The following TMEM232 variants were observed in gnomAD, a reference collection of about 807,000 sequenced individuals.
TMEM232 encodes the protein transmembrane protein 232.
In TMEM232, 80 loss-of-function variants were observed where a neutral mutation model predicts 78.8. The observed-to-expected ratio is 1.01, with a 90% CI of 0.85 to 1.22. The LOEUF (loss-of-function observed/expected upper bound fraction) is 1.22, where lower values mean the gene tolerates loss of function less well. TMEM232 is among the 50% of genes most tolerant of loss of function. The probability of loss-of-function intolerance (pLI) is 0.00; values close to 1 mark genes in which losing one functional copy is unlikely to be tolerated. For synonymous variants in TMEM232, 297 were observed against 254.3 expected (o/e 1.17, Z -1.60); for missense variants, 881 against 742.2 (o/e 1.19, Z -2.17).
chr5:110,682,330 A>C (rs1252826637), intron 1 of TMEM232, among the ~76,000 whole-genome samples: 1 of 152,204 alleles, frequency 6.6e-6, no homozygotes, highest in East Asian at 1.9e-4. Flanking sequence ...TGAATGATTG[A>C]ATTGCTCTCC....
intron 12 of TMEM232, among the ~76,000 whole-genome samples, chr5:110,468,528 A>G (rs1410451085): frequency 6.6e-6 from 1 of 152,136 alleles, no homozygotes; most frequent in Non-Finnish European, 1.5e-5. Context: ...GCTAATAATT[A>G]TATTTCTTAT....
chr5:110,411,542 G>C (rs1755996060), intron 2 of TMEM232, among the ~76,000 whole-genome samples: 1 of 151,930 alleles, frequency 6.6e-6, no homozygotes, highest in Admixed American at 6.6e-5. Context: ...TTACATTGTT[G>C]AGCAATCTCT....
At chr5:110,475,445 A>ATTTT (rs61667699) in intron 12 of TMEM232, among the ~76,000 whole-genome samples, 4,865 of 110,026 alleles carry the variant, frequency 0.044, 225 homozygotes, top group East Asian at 0.22. Context: ...TTATACTTTG[A>ATTTT]TTTTTTTTTT....
intron 7 of TMEM232, among the ~76,000 whole-genome samples, chr5:110,620,625 CTCTCTCT>C (rs1561399789): frequency 3.1e-4 from 36 of 116,344 alleles, no homozygotes; most frequent in East Asian, 7.5e-4. Flanking sequence ...CTCTCTCTCT[CTCTCTCT>C]CTCTCTCCTC....
At chr5:110,555,066 T>G (rs569644673) in intron 11 of TMEM232, among the ~76,000 whole-genome samples, 1 of 152,254 alleles carries the variant, frequency 6.6e-6, no homozygotes, top group African/African-American at 2.4e-5. Context: ...TTAAGGTTGG[T>G]TTGCTCTTGT....
chr5:110,723,505 C>T (rs1313906576), intron 1 of TMEM232, among the ~76,000 whole-genome samples: 2 of 152,034 alleles, frequency 1.3e-5, no homozygotes, highest in Non-Finnish European at 2.9e-5. Context: ...CCATGGGTAC[C>T]ATTATGTTTA....
intron 10 of TMEM232, among the ~76,000 whole-genome samples, chr5:110,580,622 A>C (rs1778093697): frequency 6.6e-6 from 1 of 151,754 alleles, no homozygotes; most frequent in Non-Finnish European, 1.5e-5. Flanking sequence ...AAATTTCAAT[A>C]ATAAGGATGA....
At chr5:110,594,381 C>T (rs1048162542) in intron 10 of TMEM232, among the ~76,000 whole-genome samples, 8 of 152,108 alleles carry the variant, frequency 5.3e-5, no homozygotes, top group South Asian at 2.1e-4. Flanking sequence ...CTAGGTGGCT[C>T]TTTGGGCAGA....
intron 10 of TMEM232, among the ~76,000 whole-genome samples, chr5:110,583,020 A>AAAGACAT (rs1383057049): frequency 5.9e-5 from 9 of 152,030 alleles, no homozygotes; most frequent in Non-Finnish European, 8.8e-5. Context: ...ACACAAATGA[A>AAAGACAT]AAGACATCCT....
At chr5:110,395,868 C>T (rs1338394461) in intron 3 of TMEM232, among the ~76,000 whole-genome samples, 1 of 152,050 alleles carries the variant, frequency 6.6e-6, no homozygotes, top group East Asian at 1.9e-4. Flanking sequence ...TTTCATTGTC[C>T]TGCTGACTCA....
At chr5:110,669,082 A>G (rs1274633366) in intron 1 of TMEM232, among the ~76,000 whole-genome samples, 2 of 152,194 alleles carry the variant, frequency 1.3e-5, no homozygotes. Flanking sequence ...GAGAAGCAAG[A>G]GCAAACACAT....
At chr5:110,666,898 T>C (rs972485207) in intron 2 of TMEM232, 2 of 165,796 alleles carry the variant, frequency 1.2e-5, no homozygotes, top group African/African-American at 4.8e-5. Flanking sequence ...AAACATTCTA[T>C]TTTGGCTAAA....
Position 110,420,424 on chromosome 5 carries a change from C to A in TMEM232, c.*156G>T. 2 of 515,730 alleles carry A rather than the reference C, an allele frequency of 3.9e-6. No homozygotes were observed. Among genetic ancestry groups the A allele is most frequent in the South Asian group, 3.9e-5 (1 of 25,874 alleles). 31.9% of individuals were successfully genotyped at this position (515,730 alleles called of 1,614,324 possible). Reference sequence around the variant, plus strand: ...TTAGAACTAAGAAATAACTATTAAACAAACAGCTTGTATCAGGAAAACAAA... The same window carrying A: ...TTAGAACTAAGAAATAACTATTAAAAAAACAGCTTGTATCAGGAAAACAAA... On this transcript the variant is annotated 3_prime_UTR_variant, in exon 14 of 14. Coordinates refer to ENST00000455884, the MANE Select transcript of TMEM232 (RefSeq NM_001039763.4).
intron 1 of TMEM232, among the ~76,000 whole-genome samples, chr5:110,706,401 A>G (rs1475293393): frequency 3.9e-5 from 6 of 152,062 alleles, no homozygotes; most frequent in African/African-American, 1.2e-4. Flanking sequence ...TACTCACTGT[A>G]TTATTGATTA....
intron 12 of TMEM232, among the ~76,000 whole-genome samples, chr5:110,457,858 C>G (rs1395781891): frequency 6.6e-6 from 1 of 151,766 alleles, no homozygotes; most frequent in African/African-American, 2.4e-5. Context: ...AATAAACATG[C>G]CTACAAATAT....
At position 110,481,296 on chromosome 5, in the gene TMEM232, G is replaced by T. The variant is rs1290853007; in HGVS notation, c.1703+47292C>A. On this transcript the variant is annotated intron_variant, in intron 12 of 13. Transcript: ENST00000455884. ...TTTCAGATTATTATTTCATTAAAAA[G>T]ACAAATACGACAAAAGGAAAAGCAA... 2.0e-5 allele frequency among the ~76,000 whole-genome samples: 3 copies of T among 151,938 alleles called. No homozygotes were observed. In the East Asian group the frequency reaches 5.8e-4, roughly 29 times the overall value.
rs1470423037 is a variant in TMEM232, at chr5:110,674,141, T to C, written c.-12-6777A>G. On this transcript the variant is annotated intron_variant, in intron 1 of 13. Coordinates refer to ENST00000455884, the MANE Select transcript of TMEM232 (RefSeq NM_001039763.4). ...TACATCAAGTCTGGTTTTTAACCCA[T>C]TTTTAACATAATTAGCTAAACTAGC... is the stretch of plus-strand genomic sequence containing the variant. Among the ~76,000 whole-genome samples the C allele has an allele frequency of 2.0e-5, 3 of 152,182 alleles. No individual in the cohort carries two copies. In the East Asian group the frequency reaches 5.8e-4, roughly 29 times the overall value.
intron 12 of TMEM232, among the ~76,000 whole-genome samples, chr5:110,488,426 G>A (rs912973379): frequency 2.6e-5 from 4 of 151,946 alleles, no homozygotes; most frequent in African/African-American, 7.2e-5. Context: ...ATAAAAAAAG[G>A]AAATTTAGAA....
chr5:110,637,063 T>A (rs149808614), intron 5 of TMEM232, among the ~76,000 whole-genome samples: 1,536 of 151,458 alleles, frequency 0.01, 34 homozygotes, highest in African/African-American at 0.035. Flanking sequence ...TATTCCATTT[T>A]AAAAATTTTA....
Sources: gnomAD v4.1 joint callset for allele counts (sites outside exome capture counted in the v4.1 genomes callset) on GRCh38, gnomAD v4.1.1 for gene constraint, MANE v1.5 for transcripts, NCBI Gene and HGNC (gene_info 2026-07-23, HGNC 2026-07-21) for gene names.